DNAAF9: variants seen among roughly 807,000 people sequenced by gnomAD.
DNAAF9 encodes the protein shulin.
In DNAAF9, 90 loss-of-function variants were observed where a neutral mutation model predicts 167.0. That is an observed-to-expected ratio of 0.54 (90% CI 0.45 to 0.64). The LOEUF is 0.64. Among genes scored for constraint, DNAAF9 ranks in the 30% least tolerant of loss-of-function variants. The pLI is 0.00. For missense variants in DNAAF9, 1,315 were observed against 1,442.2 expected (o/e 0.91, Z 1.43); for synonymous variants, 491 against 508.8 (o/e 0.96, Z 0.47).
At position 3,407,487 on chromosome 20, in the gene DNAAF9, G is replaced by A. The variant is rs546236933; in HGVS notation, c.71C>T (p.Ser24Leu). The part of the protein sequence containing the change: ...ARSPGGSSRG[S>L]PSVSCSRLRQ... ...CTGCCCCGCGTACCTGACGGAGGGT[G>A]ACCCGCGGCTGGAGCCGCCAGGGGA... Residue 24 changes from serine (S) to leucine (L), a missense_variant, in exon 1 of 37, where the codon TCA becomes TTA. Coordinates refer to ENST00000252032, the MANE Select transcript of DNAAF9 (RefSeq NM_001009984.3). The A allele has an allele frequency of 3.3e-4, 435 of 1,302,822 alleles. 2 individuals are homozygous for A. In the African/African-American group the frequency reaches 6.1e-3, roughly 18 times the overall value. 80.7% of individuals were successfully genotyped at this position (1,302,822 alleles called of 1,614,324 possible).
rs182847477 is a variant in DNAAF9, at chr20:3,353,327, A to G, written c.691-4704T>C. Among the ~76,000 whole-genome samples the G allele has an allele frequency of 2.1e-3, 324 of 151,838 alleles. 6 individuals are homozygous for G. Among genetic ancestry groups the G allele is most frequent in the Admixed American group, 0.021 (318 of 15,212 alleles). On this transcript the variant is annotated intron_variant, in intron 7 of 36. Coordinates refer to ENST00000252032, the MANE Select transcript of DNAAF9 (RefSeq NM_001009984.3). ...GTCCAACCTCTTCAGCTTTACCAGA[A>G]TGCTTCACTTTGTGAGACTTTAAAA...
At chr20:3,350,119 T>A (rs547991043) in intron 7 of DNAAF9, among the ~76,000 whole-genome samples, 3 of 144,300 alleles carry the variant, frequency 2.1e-5, no homozygotes, top group South Asian at 2.2e-4. Flanking sequence ...CTGCCCAGAC[T>A]ATCAGACACA....
rs778509144 is a variant in DNAAF9 at position 3,252,557 on chromosome 20, G to A, written c.*15C>T. Reference sequence around the variant, plus strand: ...AAGGTGGACATTCTGCAGGACGTACGGGCCCAGCCTTCCTCTAGGGCTTCA... The same window carrying A: ...AAGGTGGACATTCTGCAGGACGTACAGGCCCAGCCTTCCTCTAGGGCTTCA... On this transcript the variant is annotated 3_prime_UTR_variant, in exon 37 of 37. Coordinates refer to ENST00000252032, the MANE Select transcript of DNAAF9 (RefSeq NM_001009984.3). 2.2e-5 allele frequency: 30 copies of A among 1,388,540 alleles called. No homozygotes were observed. Among genetic ancestry groups the A allele is most frequent in the African/African-American group, 7.1e-5 (5 of 70,354 alleles). 86.0% of individuals were successfully genotyped at this position (1,388,540 alleles called of 1,614,324 possible).
In DNAAF9 at chr20:3,287,263, C is replaced by T. The variant is rs572787016; in HGVS notation, c.2486+369G>A. On this transcript the variant is annotated intron_variant, in intron 27 of 36. Coordinates refer to ENST00000252032, the MANE Select transcript of DNAAF9 (RefSeq NM_001009984.3). ...GCTGGAGACTGCAGAGTATGAGGGTCATCTCTGCAATTCCACAAGAGGGAG... is the reference window on the plus strand; with the variant it reads ...GCTGGAGACTGCAGAGTATGAGGGTTATCTCTGCAATTCCACAAGAGGGAG... Among the ~76,000 whole-genome samples, 6 of 152,292 alleles carry T rather than the reference C, an allele frequency of 3.9e-5. No individual in the cohort carries two copies. In the East Asian group the frequency reaches 9.6e-4, roughly 24 times the overall value.
chr20:3,317,075 A>C (rs1319224511), intron 17 of DNAAF9, among the ~76,000 whole-genome samples: 3 of 151,626 alleles, frequency 2.0e-5, no homozygotes, highest in Non-Finnish European at 4.4e-5. Flanking sequence ...TTGTATTTTT[A>C]GTAGAGATGG....
intron 31 of DNAAF9, among the ~76,000 whole-genome samples, chr20:3,262,206 T>G (rs1383587716): frequency 6.6e-6 from 1 of 152,072 alleles, no homozygotes; most frequent in Non-Finnish European, 1.5e-5. Context: ...TCTCTGATTC[T>G]CTATAAGGAC....
At chr20:3,350,448 A>C (rs1423209394) in intron 7 of DNAAF9, among the ~76,000 whole-genome samples, 1 of 152,162 alleles carries the variant, frequency 6.6e-6, no homozygotes, top group South Asian at 2.1e-4. Flanking sequence ...ATCTATCTAT[A>C]TATACATACA....
chr20:3,310,345 G>GAAAGAAAGAAAGAA (rs1234969169), intron 20 of DNAAF9, among the ~76,000 whole-genome samples: 7 of 98,026 alleles, frequency 7.1e-5, no homozygotes, highest in East Asian at 2.9e-4. Flanking sequence ...AAGAAAGAAA[G>GAAAGAAAGAAAGAA]AAAGAAAGAA....
chr20:3,399,677 C>A (rs957177877), intron 1 of DNAAF9, among the ~76,000 whole-genome samples: 2 of 152,136 alleles, frequency 1.3e-5, no homozygotes, highest in Admixed American at 1.3e-4. Flanking sequence ...TTCTGTTTCC[C>A]TTTCTTGTCT....
At chr20:3,307,929 T>C (rs2069329373) in intron 20 of DNAAF9, among the ~76,000 whole-genome samples, 1 of 149,146 alleles carries the variant, frequency 6.7e-6, no homozygotes, top group Non-Finnish European at 1.5e-5. Context: ...ATTTTCATCC[T>C]GTGTCTATAA....
intron 7 of DNAAF9, among the ~76,000 whole-genome samples, chr20:3,350,806 T>C (rs116334654): frequency 2.9e-4 from 44 of 152,296 alleles, no homozygotes; most frequent in African/African-American, 7.9e-4. Context: ...ATAGAAAAAT[T>C]TGAGCGTCAC....
Position 3,252,472 on chromosome 20 carries a change from G to T in DNAAF9, c.*100C>A. 1 of 723,882 alleles carries T rather than the reference G, an allele frequency of 1.4e-6. No homozygotes were observed. The highest frequency in any genetic ancestry group is 1.7e-5 in the African/African-American group (1 of 57,314). 44.8% of individuals were successfully genotyped at this position (723,882 alleles called of 1,614,324 possible). A position where few individuals can be genotyped will look rare whatever the true frequency, so the allele number is the denominator to read the frequency against. On this transcript the variant is annotated 3_prime_UTR_variant, in exon 37 of 37. Transcript: ENST00000252032. ...ACACAGGCCAAGGAGAACAAAGACA[G>T]CCCCTTAAGGGAGAGGCCTCCAGCA...
At chr20:3,321,723 C>T (rs1197862788) in intron 16 of DNAAF9, among the ~76,000 whole-genome samples, 1 of 152,108 alleles carries the variant, frequency 6.6e-6, no homozygotes, top group Non-Finnish European at 1.5e-5. Context: ...TGCATGCCAC[C>T]ACACCTGCCT....
intron 27 of DNAAF9, among the ~76,000 whole-genome samples, chr20:3,284,173 CTTTTTTTTTTTTTT>C (rs200633758): frequency 0.25 from 29,145 of 118,762 alleles, 3,445 homozygotes; most frequent in African/African-American, 0.29. Context: ...TTACTAGAGT[CTTTTTTTTTTTTTT>C]TTTTTTTTTT....
rs115082702 is a variant in DNAAF9 at position 3,259,508 on chromosome 20, G to A, written c.3027C>T (p.Tyr1009=). The change falls in exon 33 of 37, where the codon TAC becomes TAT. Residue 1009 remains tyrosine (Y), a synonymous_variant. Transcript: ENST00000252032. ...IKPSPFSGNI[Y]HILGKVKFSD... ...AAAACTTCACTTTGCCCAGGATGTG[G>A]TAGATGTTTCCGGAGAAGGGACTTG... 5.0e-4 allele frequency: 813 copies of A among 1,612,572 alleles called. 5 individuals carry two copies. In the African/African-American group the frequency reaches 9.7e-3, roughly 19 times the overall value.
intron 33 of DNAAF9, among the ~76,000 whole-genome samples, chr20:3,257,071 G>GA (rs1326152422): frequency 3.3e-5 from 5 of 152,150 alleles, no homozygotes; most frequent in Non-Finnish European, 7.4e-5. Context: ...ATGAGAATGG[G>GA]AAAAAGTGTT....
chr20:3,374,030 A>T lies in DNAAF9; in HGVS notation c.612+18T>A. On this transcript the variant is annotated intron_variant, in intron 6 of 36. Transcript: ENST00000252032. ...CCAGTGGCAGACAAAAACTAGGCAT[A>T]CTGCTTTTCATACATACCTCATATT... The T allele has an allele frequency of 6.7e-7, 1 of 1,502,330 alleles. No individual in the cohort carries two copies. The highest frequency in any genetic ancestry group is 9.3e-7 in the Non-Finnish European group (1 of 1,078,086). 93.1% of individuals were successfully genotyped at this position (1,502,330 alleles called of 1,614,324 possible).
chr20:3,389,106 T>C (rs1424870623), intron 1 of DNAAF9, among the ~76,000 whole-genome samples: 2 of 151,954 alleles, frequency 1.3e-5, no homozygotes, highest in Admixed American at 1.3e-4. Flanking sequence ...GTAGCTGGGA[T>C]TACAGGCGCC....
At chr20:3,407,237 G>C (rs574230055) in intron 1 of DNAAF9, among the ~76,000 whole-genome samples, 2 of 152,272 alleles carry the variant, frequency 1.3e-5, no homozygotes, top group South Asian at 4.1e-4. Context: ...AACCGTTGCA[G>C]GGTTGTCTGT....
Sources: gnomAD v4.1 joint callset for allele counts (sites outside exome capture counted in the v4.1 genomes callset) on GRCh38, gnomAD v4.1.1 for gene constraint, MANE v1.5 for transcripts, NCBI Gene and HGNC (gene_info 2026-07-23, HGNC 2026-07-21) for gene names.